Variants in PPARGC1A observed in about 807,000 individuals in gnomAD.
The protein encoded by PPARGC1A is PPARG coactivator 1 alpha, also known as peroxisome proliferator-activated receptor gamma coactivator 1-alpha.
Under a neutral mutation model 88.7 loss-of-function variants are expected in PPARGC1A, and 25 were observed. The observed-to-expected ratio is 0.28, with a 90% CI of 0.21 to 0.39. The LOEUF (loss-of-function observed/expected upper bound fraction) is 0.39, where lower values mean the gene tolerates loss of function less well. PPARGC1A is among the 10% of genes least tolerant of loss of function. PPARGC1A has a pLI of 1.00. For synonymous variants in PPARGC1A, 363 were observed against 355.6 expected, an observed-to-expected ratio of 1.02 and a Z score of -0.24; for missense variants, 880 against 968.7, an observed-to-expected ratio of 0.91 and a Z score of 1.22.
chr4:23,803,131 G>T (rs1719113004), intron 10 of PPARGC1A, among the ~76,000 whole-genome samples: 1 of 151,950 alleles, frequency 6.6e-6, no homozygotes, highest in Non-Finnish European at 1.5e-5. Context: ...TCAAAAGAGT[G>T]GTTCTTAAAC....
At chr4:24,008,704 TAA>T in the PPARGC1A span, among the ~76,000 whole-genome samples, 90,646 of 150,336 alleles carry the variant, frequency 0.6, 27,691 homozygotes, top group African/African-American at 0.71. Flanking sequence ...GCTTTTGATA[TAA>T]AAAAAAAAAA....
the PPARGC1A span, among the ~76,000 whole-genome samples, chr4:24,375,912 G>A: frequency 6.6e-6 from 1 of 151,972 alleles, no homozygotes; most frequent in Non-Finnish European, 1.5e-5. Flanking sequence ...GAAGAGGAAA[G>A]GCAGAACAGG....
chr4:24,180,704 G>C, the PPARGC1A span, among the ~76,000 whole-genome samples: 1 of 152,106 alleles, frequency 6.6e-6, no homozygotes, highest in Non-Finnish European at 1.5e-5. Flanking sequence ...ACTTGAGGTT[G>C]GGCATGGTAA....
chr4:24,337,841 A>G, the PPARGC1A span, among the ~76,000 whole-genome samples: 2 of 152,200 alleles, frequency 1.3e-5, no homozygotes, highest in Non-Finnish European at 2.9e-5. Context: ...ATCAGCCCAA[A>G]TAAGGTTCCC....
the PPARGC1A span, among the ~76,000 whole-genome samples, chr4:24,159,327 C>T: frequency 2.0e-5 from 3 of 150,538 alleles, no homozygotes; most frequent in South Asian, 2.1e-4. Context: ...TCTCCTCCCT[C>T]GGCCTCCTGA....
At chr4:24,075,114 G>A in the PPARGC1A span, among the ~76,000 whole-genome samples, 1 of 152,150 alleles carries the variant, frequency 6.6e-6, no homozygotes, top group Non-Finnish European at 1.5e-5. Context: ...AAAGCTTCAG[G>A]TGTCTATGAG....
the PPARGC1A span, among the ~76,000 whole-genome samples, chr4:24,256,734 G>T: frequency 6.6e-6 from 1 of 152,090 alleles, no homozygotes; most frequent in Admixed American, 6.5e-5. Flanking sequence ...GGGGGATGTG[G>T]GCTTTGCTGT....
intron 2 of PPARGC1A, among the ~76,000 whole-genome samples, chr4:23,844,806 ATT>A (rs1727950589): frequency 7.8e-6 from 1 of 127,486 alleles, no homozygotes; most frequent in Non-Finnish European, 1.6e-5. Flanking sequence ...GATATATATT[ATT>A]ATAATATATG....
At chr4:24,220,013 C>T in the PPARGC1A span, among the ~76,000 whole-genome samples, 1 of 151,992 alleles carries the variant, frequency 6.6e-6, no homozygotes, top group Non-Finnish European at 1.5e-5. Context: ...CTATAAGGAA[C>T]TTAAACAAAT....
At chr4:23,920,116 G>T in the PPARGC1A span, among the ~76,000 whole-genome samples, 1 of 152,234 alleles carries the variant, frequency 6.6e-6, no homozygotes, top group African/African-American at 2.4e-5. Context: ...TCAGCAAGAA[G>T]AGAGGTATGC....
chr4:23,944,031 A>G, the PPARGC1A span, among the ~76,000 whole-genome samples: 1 of 152,212 alleles, frequency 6.6e-6, no homozygotes, highest in East Asian at 1.9e-4. Flanking sequence ...GTGGTGTCCT[A>G]GATGGGATCC....
chr4:23,810,444 C>T lies in PPARGC1A; in HGVS notation c.2019+2303G>A, dbSNP rs1720685669. ...AGGGACAACAGGGTAGCATCTGCTT[C>T]CAAGCTGAGGCTGGTGACCCTCAGG... On this transcript the variant is annotated intron_variant, in intron 10 of 12. Transcript: ENST00000264867. Among the ~76,000 whole-genome samples the T allele has an allele frequency of 2.6e-5, 4 of 152,304 alleles. No individual in the cohort carries two copies. In the South Asian group the frequency reaches 8.3e-4, roughly 32 times the overall value.
the PPARGC1A span, among the ~76,000 whole-genome samples, chr4:24,379,951 T>A: frequency 2.6e-5 from 4 of 152,094 alleles, no homozygotes; most frequent in South Asian, 8.3e-4. Flanking sequence ...GCTAATTTTG[T>A]ATTTTTAGTA....
At position 23,890,039 on chromosome 4, in the gene PPARGC1A, C is replaced by T. The variant is rs984159616; in HGVS notation, c.-82G>A. ...AGCACACACTCATGCAGGCAACCAG[C>T]CCCTTACTGAGAGTGAACTGAAGGC... On this transcript the variant is annotated 5_prime_UTR_variant, in exon 1 of 13. Transcript: ENST00000264867. 6.0e-5 allele frequency: 96 copies of T among 1,589,612 alleles called. No homozygotes were observed. The Admixed American group carries it at 7.7e-4, about 13-fold the overall frequency.
At chr4:24,340,422 C>T in the PPARGC1A span, among the ~76,000 whole-genome samples, 1 of 152,132 alleles carries the variant, frequency 6.6e-6, no homozygotes, top group Admixed American at 6.6e-5. Context: ...TTTATACATC[C>T]TTTTTGTGGT....
At chr4:23,868,900 G>T (rs1712654653) in intron 2 of PPARGC1A, among the ~76,000 whole-genome samples, 1 of 152,206 alleles carries the variant, frequency 6.6e-6, no homozygotes, top group Non-Finnish European at 1.5e-5. Flanking sequence ...CTCAAAGGAA[G>T]ACAGATTTAA....
At chr4:24,209,665 C>T in the PPARGC1A span, among the ~76,000 whole-genome samples, 4 of 152,150 alleles carry the variant, frequency 2.6e-5, no homozygotes, top group South Asian at 6.2e-4. Flanking sequence ...AGGAGCATTG[C>T]CTAGATTGTA....
the PPARGC1A span, among the ~76,000 whole-genome samples, chr4:24,274,769 C>G: frequency 6.6e-6 from 1 of 152,106 alleles, no homozygotes. Context: ...CCCAGTTGCT[C>G]CCTTTTTAAG....
the PPARGC1A span, among the ~76,000 whole-genome samples, chr4:24,001,694 T>C: frequency 1.3e-5 from 2 of 152,096 alleles, no homozygotes. Flanking sequence ...AAGAGAGGTA[T>C]TAAACATTGA....
Sources: allele counts gnomAD v4.1 joint callset (sites outside exome capture counted in the v4.1 genomes callset), GRCh38; gene constraint gnomAD v4.1.1; transcripts MANE v1.5; gene names NCBI Gene and HGNC (gene_info 2026-07-23, HGNC 2026-07-21).